BANK1: variants seen among roughly 807,000 people sequenced by gnomAD.
The protein encoded by BANK1 is B cell scaffold protein with ankyrin repeats 1.
A neutral mutation model predicts 94.5 loss-of-function variants in BANK1; 95 were observed. The observed-to-expected ratio is 1.00, with a 90% CI of 0.85 to 1.19. The LOEUF (loss-of-function observed/expected upper bound fraction) is 1.19. Among genes scored for constraint, BANK1 ranks in the 50% most tolerant of loss-of-function variants. The pLI, the probability that BANK1 is intolerant of heterozygous loss-of-function variation, is 0.00. For missense variants in BANK1, 987 were observed against 932.2 expected, an observed-to-expected ratio of 1.06 and a Z score of -0.77; for synonymous variants, 334 against 308.4, an observed-to-expected ratio of 1.08 and a Z score of -0.87.
intron 5 of BANK1, among the ~76,000 whole-genome samples, chr4:101,886,892 G>A (rs1270798454): frequency 6.6e-6 from 1 of 152,098 alleles, no homozygotes; most frequent in African/African-American, 2.4e-5. Context: ...ATGATTGATG[G>A]GGATGCTAGT....
chr4:102,021,603 C>T lies in BANK1; in HGVS notation c.1285+11C>T, dbSNP rs1560691524. Reference sequence around the variant, plus strand: ...CCACATATATTCCTTGTAAGTTTTTCCATGTTATATATATATATGACATAT... The same window carrying T: ...CCACATATATTCCTTGTAAGTTTTTTCATGTTATATATATATATGACATAT... On this transcript the variant is annotated intron_variant, in intron 8 of 16. Coordinates refer to ENST00000322953, the MANE Select transcript of BANK1 (RefSeq NM_017935.5). 6 of 1,184,570 alleles carry T rather than the reference C, an allele frequency of 5.1e-6. No individual in the cohort carries two copies. Among genetic ancestry groups the T allele is most frequent in the Non-Finnish European group, 7.0e-6 (6 of 856,288 alleles). The allele number at this position is 1,184,570 out of a possible 1,614,324, so 73.4% of individuals were successfully genotyped here. A position where few individuals can be genotyped will look rare whatever the true frequency, so the allele number is the denominator to read the frequency against.
rs1046317748 is a variant in BANK1, at chr4:102,030,393, A to G, written c.1900+128A>G. The stretch of plus-strand genomic sequence containing the variant: ...AAGAGTAAACATTTTTTTTCAAGTC[A>G]CAGCTAAGCTATACTGGCTCATTTT... On this transcript the variant is annotated intron_variant, in intron 10 of 16. Transcript: ENST00000322953. The G allele has an allele frequency of 2.3e-5, 21 of 929,000 alleles. No homozygotes were observed. In the East Asian group the frequency reaches 5.6e-4, roughly 25 times the overall value. The allele number at this position is 929,000 out of a possible 1,614,324, so 57.5% of individuals were successfully genotyped here.
intron 1 of BANK1, among the ~76,000 whole-genome samples, chr4:101,825,168 C>A (rs927155872): frequency 2.3e-4 from 35 of 151,976 alleles, no homozygotes; most frequent in Admixed American, 2.3e-3. Context: ...ATAGTAATGT[C>A]TTTTTATTAT....
At chr4:101,825,502 T>C (rs1365180043) in intron 1 of BANK1, among the ~76,000 whole-genome samples, 2 of 152,076 alleles carry the variant, frequency 1.3e-5, no homozygotes, top group Non-Finnish European at 2.9e-5. Context: ...CTTAGCTTCA[T>C]ATGAAAAGAA....
chr4:101,816,798 G>C (rs1040596320), intron 1 of BANK1, among the ~76,000 whole-genome samples: 1 of 152,082 alleles, frequency 6.6e-6, no homozygotes, highest in African/African-American at 2.4e-5. Flanking sequence ...ATAACACCCA[G>C]TTTATTAATG....
chr4:101,905,581 C>G (rs1219095732), intron 6 of BANK1, among the ~76,000 whole-genome samples: 1 of 152,000 alleles, frequency 6.6e-6, no homozygotes, highest in Non-Finnish European at 1.5e-5. Context: ...TTTCTACATT[C>G]TTTTTTAGTA....
chr4:101,791,445 A>C (rs1253899153), intron 1 of BANK1, among the ~76,000 whole-genome samples: 1 of 152,168 alleles, frequency 6.6e-6, no homozygotes, highest in Non-Finnish European at 1.5e-5. Context: ...TTTGCAGAGA[A>C]ACTCTACCAA....
Position 101,918,016 on chromosome 4 carries a change from A to G in BANK1, c.1033A>G (p.Thr345Ala), listed in dbSNP as rs370190414. ...NKYTHFKELP[T>A]LLHCAAKFGL... is the part of the protein sequence containing the mutation. ...AGATACTCATTTCAAAGAACTTCCAACTCTTCTCCACTGTGCAGCAAAATT... is the reference window on the plus strand; with the variant it reads ...AGATACTCATTTCAAAGAACTTCCAGCTCTTCTCCACTGTGCAGCAAAATT... Residue 345 changes from threonine to alanine, a missense_variant, in exon 7 of 17, where the codon ACT becomes GCT. Transcript: ENST00000322953. The G allele has an allele frequency of 3.1e-6, 5 of 1,606,832 alleles. No individual in the cohort carries two copies. The highest frequency in any genetic ancestry group is 1.3e-5 in the African/African-American group (1 of 74,778).
In BANK1 at chr4:101,871,082, A is replaced by G. The variant is rs544789768; in HGVS notation, c.903+438A>G. Among the ~76,000 whole-genome samples the G allele has an allele frequency of 3.9e-5, 6 of 152,150 alleles. No individual in the cohort carries two copies. In the East Asian group the frequency reaches 9.6e-4, roughly 24 times the overall value. On this transcript the variant is annotated intron_variant, in intron 5 of 16. Coordinates refer to ENST00000322953, the MANE Select transcript of BANK1 (RefSeq NM_017935.5). Reference sequence around the variant, plus strand: ...ACCAAAAAGGGAACGTGTGGTGTCAATCTAGAAATTGTTACTTTCATGTGG... The same window carrying G: ...ACCAAAAAGGGAACGTGTGGTGTCAGTCTAGAAATTGTTACTTTCATGTGG...
intron 5 of BANK1, among the ~76,000 whole-genome samples, chr4:101,884,656 C>T (rs1728784086): frequency 6.6e-6 from 1 of 152,176 alleles, no homozygotes; most frequent in Non-Finnish European, 1.5e-5. Context: ...AAACCGCAAA[C>T]ATAAGAGTCT....
chr4:101,970,967 G>T (rs1003799547), intron 7 of BANK1, among the ~76,000 whole-genome samples: 1 of 151,520 alleles, frequency 6.6e-6, no homozygotes, highest in Non-Finnish European at 1.5e-5. Flanking sequence ...GTGTCATAGC[G>T]TGCAGGCGTG....
Position 101,940,751 on chromosome 4 carries a change from A to G in BANK1, c.1206+22562A>G, listed in dbSNP as rs1031433560. ...ACCATGGAGGTGGAGGACCATTCTT[A>G]TCACATCACATCATCTCATGATATT... On this transcript the variant is annotated intron_variant, in intron 7 of 16. Coordinates refer to ENST00000322953, the MANE Select transcript of BANK1 (RefSeq NM_017935.5). 2.0e-5 allele frequency among the ~76,000 whole-genome samples: 3 copies of G among 151,944 alleles called. No homozygotes were observed. The East Asian group carries it at 5.8e-4, about 30-fold the overall frequency.
intron 7 of BANK1, among the ~76,000 whole-genome samples, chr4:101,969,628 T>TA (rs1560658645): frequency 6.6e-6 from 1 of 152,022 alleles, no homozygotes; most frequent in African/African-American, 2.4e-5. Context: ...TTTATTTGAA[T>TA]AAAAAATGAC....
At chr4:101,966,513 T>C (rs1170931324) in intron 7 of BANK1, among the ~76,000 whole-genome samples, 3 of 152,052 alleles carry the variant, frequency 2.0e-5, no homozygotes, top group African/African-American at 7.2e-5. Flanking sequence ...TTTACAGGCT[T>C]CTAAAAGGGT....
intron 7 of BANK1, chr4:101,981,966 G>A (rs1256727584): frequency 3.3e-5 from 5 of 152,062 alleles, no homozygotes; most frequent in Non-Finnish European, 2.9e-5. Flanking sequence ...GGTGTGTGTG[G>A]GTAGGGATTG....
intron 7 of BANK1, among the ~76,000 whole-genome samples, chr4:101,941,171 A>G (rs1257284835): frequency 6.6e-6 from 1 of 151,236 alleles, no homozygotes; most frequent in Non-Finnish European, 1.5e-5. Flanking sequence ...TGGTTCCTTT[A>G]TCCTTCTGAT....
chr4:101,991,874 A>G (rs1231927989), intron 7 of BANK1, among the ~76,000 whole-genome samples: 1 of 152,214 alleles, frequency 6.6e-6, no homozygotes, highest in East Asian at 1.9e-4. Flanking sequence ...TTCTCATCGC[A>G]GACCTAGTCT....
Position 102,041,673 on chromosome 4 carries a change from T to C in BANK1, c.1901-2166T>C, listed in dbSNP as rs116112667. Reference sequence around the variant, plus strand: ...CTTTTAAAGAGTCGTATTATCAGCATTTTCACAATTACCCCACTCATAGTA... The same window carrying C: ...CTTTTAAAGAGTCGTATTATCAGCACTTTCACAATTACCCCACTCATAGTA... On this transcript the variant is annotated intron_variant, in intron 10 of 16. Transcript: ENST00000322953. Among the ~76,000 whole-genome samples the C allele has an allele frequency of 1.8e-3, 273 of 152,102 alleles. 1 individual carries two copies. The highest frequency in any genetic ancestry group is 6.4e-3 in the African/African-American group (267 of 41,528).
At chr4:101,914,055 T>G (rs898761924) in intron 6 of BANK1, among the ~76,000 whole-genome samples, 4 of 152,202 alleles carry the variant, frequency 2.6e-5, no homozygotes, top group African/African-American at 9.6e-5. Flanking sequence ...TCAAAGAAAT[T>G]ATCTGAGAAC....
Sources: gnomAD v4.1 joint callset for allele counts (sites outside exome capture counted in the v4.1 genomes callset) on GRCh38, gnomAD v4.1.1 for gene constraint, MANE v1.5 for transcripts, NCBI Gene and HGNC (gene_info 2026-07-23, HGNC 2026-07-21) for gene names.